The following NR1D2 variants were observed in gnomAD, a reference collection of about 807,000 sequenced individuals.
The protein encoded by NR1D2 is V-erbA-related protein 1-related.
NR1D2 carries 25 observed loss-of-function variants against 52.2 expected under a neutral mutation model. That is an observed-to-expected ratio of 0.48 (90% CI 0.35 to 0.67). The LOEUF is 0.67. Ranked by LOEUF, NR1D2 falls within the 30% of genes least tolerant of loss-of-function variation. The pLI is 0.01. For missense variants in NR1D2, 681 were observed against 707.2 expected (o/e 0.96, Z 0.42); for synonymous variants, 259 against 230.1 (o/e 1.13, Z -1.14).
At chr3:23,963,216 C>T (rs1430680554) in intron 5 of NR1D2, 1 of 1,282,948 alleles carries the variant, frequency 7.8e-7, no homozygotes, top group Admixed American at 1.9e-5. Context: ...CGACATTCTA[C>T]ATCAAAGTAC....
At chr3:23,963,446 C>T (rs1048693507) in intron 5 of NR1D2, 74 of 1,155,840 alleles carry the variant, frequency 6.4e-5, no homozygotes, top group Non-Finnish European at 2.5e-5. Context: ...TAGGCTAAGT[C>T]GTTGCTTTTT....
rs1427056603 is a variant in NR1D2 at position 23,959,654 on chromosome 3, T to A, written c.373-17T>A. 5 of 1,604,040 alleles carry A rather than the reference T, an allele frequency of 3.1e-6. No homozygotes were observed. The highest frequency in any genetic ancestry group is 4.2e-6 in the Non-Finnish European group (5 of 1,176,510). On this transcript the variant is annotated splice_polypyrimidine_tract_variant and intron_variant, in intron 3 of 7. Coordinates refer to ENST00000312521, the MANE Select transcript of NR1D2 (RefSeq NM_005126.5). Reference sequence around the variant, plus strand: ...GGGTGTTTTTAAATGGGTAAGTAAATCTTCCTTTGTTCTTAGGGTTTCTTT... The same window carrying A: ...GGGTGTTTTTAAATGGGTAAGTAAAACTTCCTTTGTTCTTAGGGTTTCTTT...
At chr3:23,948,479 GA>G (rs1705838234) in intron 1 of NR1D2, among the ~76,000 whole-genome samples, 1 of 152,174 alleles carries the variant, frequency 6.6e-6, no homozygotes, top group Admixed American at 6.6e-5. Flanking sequence ...GAAACCACTG[GA>G]TCCTTAACAC....
At chr3:23,946,292 C>T in intron 1 of NR1D2, 5 of 985,520 alleles carry the variant, frequency 5.1e-6, no homozygotes, top group Non-Finnish European at 6.0e-6. Context: ...ACCAAACGAA[C>T]CGGCGCCTGG....
At chr3:23,945,643 G>C (rs1162294505) in intron 1 of NR1D2, 49 bp downstream of exon 1, 15 of 1,125,150 alleles carry the variant, frequency 1.3e-5, no homozygotes, top group Non-Finnish European at 1.6e-5. Flanking sequence ...GGAGCGCTCA[G>C]AGCCCGCGGG....
Position 23,978,373 on chromosome 3 carries a change from A to G in NR1D2, c.*954A>G, listed in dbSNP as rs1234314522. On this transcript the variant is annotated 3_prime_UTR_variant, in exon 8 of 8. Coordinates refer to ENST00000312521, the MANE Select transcript of NR1D2 (RefSeq NM_005126.5). ...TTTACTTGTTTATGATGGCATAACC[A>G]TTGCTTTAAAATGTTTAGACAGTAG... 4 of 152,160 alleles carry G rather than the reference A, an allele frequency of 2.6e-5. No homozygotes were observed. Among genetic ancestry groups the G allele is most frequent in the Non-Finnish European group, 5.9e-5 (4 of 68,014 alleles). The allele number at this position is 152,160 out of a possible 1,614,324, so 9.4% of individuals were successfully genotyped here.
At chr3:23,962,922 G>A (rs1321332867) in intron 5 of NR1D2, among the ~76,000 whole-genome samples, 1 of 151,734 alleles carries the variant, frequency 6.6e-6, no homozygotes, top group African/African-American at 2.4e-5. Flanking sequence ...AAGCATTCTG[G>A]TTAATTAGTA....
At chr3:23,970,146 A>G (rs908358329) in intron 7 of NR1D2, among the ~76,000 whole-genome samples, 1 of 152,168 alleles carries the variant, frequency 6.6e-6, no homozygotes, top group African/African-American at 2.4e-5. Flanking sequence ...CTGCATTTTT[A>G]TTGTGGTGGG....
At chr3:23,946,132 C>G in intron 1 of NR1D2, 2 of 985,118 alleles carry the variant, frequency 2.0e-6, no homozygotes, top group Non-Finnish European at 2.4e-6. Flanking sequence ...CCTCCTCCCC[C>G]GCGGGGTTGC....
intron 4 of NR1D2, 62 bp from the exon 5 acceptor site, chr3:23,961,915 T>C (rs933120170): frequency 2.7e-6 from 4 of 1,455,906 alleles, no homozygotes; most frequent in Admixed American, 4.6e-5. Context: ...TTTTGTGTTA[T>C]TCTTTTATAC....
At chr3:23,946,406 C>G (rs1044305226) in intron 1 of NR1D2, 2 of 574,896 alleles carry the variant, frequency 3.5e-6, no homozygotes, top group African/African-American at 4.0e-5. Flanking sequence ...GGGGCTTTCC[C>G]GAAGGGATAC....
intron 3 of NR1D2, among the ~76,000 whole-genome samples, chr3:23,957,299 A>G (rs1706105490): frequency 6.6e-6 from 1 of 150,720 alleles, no homozygotes; most frequent in Admixed American, 6.6e-5. Context: ...CTAACTTTTA[A>G]TGGCCGGGTA....
intron 7 of NR1D2, among the ~76,000 whole-genome samples, chr3:23,968,228 A>G (rs1175649173): frequency 6.6e-6 from 1 of 152,230 alleles, no homozygotes; most frequent in Admixed American, 6.5e-5. Flanking sequence ...ATAAAGTAAT[A>G]CTTACATCTA....
intron 7 of NR1D2, among the ~76,000 whole-genome samples, chr3:23,973,769 A>G (rs1164909726): frequency 6.6e-6 from 1 of 152,212 alleles, no homozygotes; most frequent in Admixed American, 6.5e-5. Context: ...GCTTAAAACA[A>G]CACATTGTAC....
rs112019363 is a variant in NR1D2, at chr3:23,955,992, C to G, written c.284-45C>G. ...TATCTAATTGGAAAGAAAACAGACT[C>G]GGTGTTTCCTCCTACTTTTTACTTC... On this transcript the variant is annotated intron_variant, in intron 2 of 7. Coordinates refer to ENST00000312521, the MANE Select transcript of NR1D2 (RefSeq NM_005126.5). The G allele has an allele frequency of 7.2e-3, 9,650 of 1,337,156 alleles. 54 individuals carry two copies. The highest frequency in any genetic ancestry group is 7.7e-3 in the Non-Finnish European group (7,150 of 929,518). The allele number at this position is 1,337,156 out of a possible 1,614,324, so 82.8% of individuals were successfully genotyped here. A position where few individuals can be genotyped will look rare whatever the true frequency, so the allele number is the denominator to read the frequency against.
At chr3:23,949,806 CAT>C (rs1052444942) in intron 1 of NR1D2, among the ~76,000 whole-genome samples, 3 of 152,276 alleles carry the variant, frequency 2.0e-5, no homozygotes, top group Non-Finnish European at 2.9e-5. Context: ...TGAAGTCAAA[CAT>C]AATCTCCAGG....
intron 3 of NR1D2, among the ~76,000 whole-genome samples, chr3:23,957,109 A>G (rs1279024399): frequency 6.6e-6 from 1 of 151,740 alleles, no homozygotes; most frequent in Non-Finnish European, 1.5e-5. Flanking sequence ...CAGCCTCCCG[A>G]GTAGCTGGGA....
intron 2 of NR1D2, among the ~76,000 whole-genome samples, chr3:23,955,828 C>G (rs1332471626): frequency 2.0e-5 from 3 of 149,868 alleles, no homozygotes. Context: ...ATCTTTAAAA[C>G]AAAACAAAGC....
At chr3:23,969,230 G>T (rs966411196) in intron 7 of NR1D2, among the ~76,000 whole-genome samples, 3 of 149,458 alleles carry the variant, frequency 2.0e-5, no homozygotes, top group Non-Finnish European at 4.5e-5. Context: ...AGGTGGCCGT[G>T]AGCCGAGATC....
Sources: allele counts gnomAD v4.1 joint callset (sites outside exome capture counted in the v4.1 genomes callset), GRCh38; gene constraint gnomAD v4.1.1; transcripts MANE v1.5; gene names NCBI Gene and HGNC (gene_info 2026-07-23, HGNC 2026-07-21).